ADAMTSL3: variants seen among roughly 807,000 people sequenced by gnomAD.
The protein encoded by ADAMTSL3 is ADAMTS like 3.
Under a neutral mutation model 201.7 loss-of-function variants are expected in ADAMTSL3, and 128 were observed. That is an observed-to-expected ratio of 0.63 (90% CI 0.55 to 0.73). ADAMTSL3 has a LOEUF of 0.73. ADAMTSL3 is among the 30% of genes least tolerant of loss of function. The pLI is 0.00. For missense variants in ADAMTSL3, 1,990 were observed against 2,119.6 expected (o/e 0.94, Z 1.20); for synonymous variants, 738 against 748.4 (o/e 0.99, Z 0.23).
intron 4 of ADAMTSL3, among the ~76,000 whole-genome samples, chr15:83,778,270 T>C (rs1449289459): frequency 6.6e-6 from 1 of 151,982 alleles, no homozygotes; most frequent in East Asian, 1.9e-4. Context: ...ATTCAGGAAA[T>C]GCAGAGAACC....
chr15:84,009,862 T>A (rs1019738595), intron 23 of ADAMTSL3, among the ~76,000 whole-genome samples: 1 of 152,252 alleles, frequency 6.6e-6, no homozygotes, highest in Non-Finnish European at 1.5e-5. Flanking sequence ...TTAGCCTGGC[T>A]GAAGGCCTCT....
intron 14 of ADAMTSL3, 97 bp downstream of exon 14, chr15:83,898,102 T>C (rs2065652941): frequency 1.4e-6 from 2 of 1,401,324 alleles, no homozygotes; most frequent in Non-Finnish European, 1.9e-6. Context: ...TACTTTCTTA[T>C]AAAAATTGTT....
intron 6 of ADAMTSL3, chr15:83,824,997 A>G (rs1418785363): frequency 1.3e-5 from 2 of 152,232 alleles, no homozygotes; most frequent in African/African-American, 2.4e-5. Context: ...AAGTGAGCAC[A>G]ATAGCTCATT....
chr15:83,829,312 G>A (rs143248662), intron 6 of ADAMTSL3, among the ~76,000 whole-genome samples: 4 of 152,044 alleles, frequency 2.6e-5, no homozygotes, highest in South Asian at 4.2e-4. Context: ...GTTTATTTGC[G>A]TAGAGCTGTT....
chr15:83,766,993 C>A lies in ADAMTSL3; in HGVS notation c.190-6530C>A, dbSNP rs113512206. Among the ~76,000 whole-genome samples, 1,165 of 152,226 alleles carry A rather than the reference C, an allele frequency of 7.7e-3. 17 individuals carry two copies. The highest frequency in any genetic ancestry group is 0.027 in the African/African-American group (1,133 of 41,510). On this transcript the variant is annotated intron_variant, in intron 3 of 29. Transcript: ENST00000286744. ...CCTGTAATCCCAGCTACTTGAGAGGCTGAGGTGGGAGAATCGCTTGAACCG... is the reference window on the plus strand; with the variant it reads ...CCTGTAATCCCAGCTACTTGAGAGGATGAGGTGGGAGAATCGCTTGAACCG...
intron 2 of ADAMTSL3, among the ~76,000 whole-genome samples, chr15:83,679,281 G>A (rs146657101): frequency 1.8e-4 from 27 of 152,056 alleles, no homozygotes; most frequent in African/African-American, 6.3e-4. Flanking sequence ...TTTTAAGATG[G>A]CTGCTTTAAC....
At chr15:83,853,097 C>T (rs1793227897) in intron 7 of ADAMTSL3, among the ~76,000 whole-genome samples, 1 of 152,116 alleles carries the variant, frequency 6.6e-6, no homozygotes, top group South Asian at 2.1e-4. Flanking sequence ...TCAGGTGATC[C>T]TCCCGCCTTA....
intron 4 of ADAMTSL3, among the ~76,000 whole-genome samples, chr15:83,795,434 C>G (rs919224815): frequency 3.9e-5 from 6 of 152,134 alleles, no homozygotes; most frequent in Non-Finnish European, 7.3e-5. Context: ...CTCAAAAACT[C>G]AGGCTGTTGA....
chr15:83,785,549 C>G (rs2063247817), intron 4 of ADAMTSL3, among the ~76,000 whole-genome samples: 1 of 151,854 alleles, frequency 6.6e-6, no homozygotes, highest in South Asian at 2.1e-4. Context: ...TTATTTTTTC[C>G]CTTAAGTTCA....
At chr15:83,699,482 G>A (rs763058756) in intron 2 of ADAMTSL3, among the ~76,000 whole-genome samples, 1 of 152,180 alleles carries the variant, frequency 6.6e-6, no homozygotes, top group Non-Finnish European at 1.5e-5. Flanking sequence ...CCCAGTCCAA[G>A]GAACCATCCC....
intron 7 of ADAMTSL3, among the ~76,000 whole-genome samples, chr15:83,846,148 T>C (rs2141720900): frequency 6.6e-6 from 1 of 152,336 alleles, no homozygotes; most frequent in East Asian, 1.9e-4. Flanking sequence ...CTGAGAGCAC[T>C]GGGATTATTA....
intron 12 of ADAMTSL3, 87 bp from the exon 13 acceptor site, chr15:83,892,597 C>A: frequency 7.5e-7 from 1 of 1,325,974 alleles, no homozygotes; most frequent in Non-Finnish European, 1.0e-6. Flanking sequence ...ACAATTGATA[C>A]CTTAAGGCCA....
At chr15:83,728,359 GTTA>G (rs2062212981) in intron 3 of ADAMTSL3, among the ~76,000 whole-genome samples, 4 of 151,376 alleles carry the variant, frequency 2.6e-5, no homozygotes, top group African/African-American at 9.7e-5. Flanking sequence ...TACATTCAAT[GTTA>G]TTATTTGTAA....
chr15:83,892,651 TA>T (rs1231103209), intron 12 of ADAMTSL3, 32 bp from the exon 13 acceptor site: 1 of 1,561,360 alleles, frequency 6.4e-7, no homozygotes, highest in East Asian at 2.4e-5. Context: ...AAACAACAAA[TA>T]AATAATATAA....
chr15:83,677,159 T>G (rs1193932948), intron 2 of ADAMTSL3, among the ~76,000 whole-genome samples: 2 of 152,232 alleles, frequency 1.3e-5, no homozygotes, highest in Non-Finnish European at 2.9e-5. Flanking sequence ...TTTAATCCTT[T>G]TAAATTCACT....
chr15:83,725,529 G>T (rs2062160970), intron 3 of ADAMTSL3, among the ~76,000 whole-genome samples: 2 of 152,064 alleles, frequency 1.3e-5, no homozygotes, highest in African/African-American at 4.8e-5. Flanking sequence ...CACAGTTTGA[G>T]GTCTTAGACT....
At chr15:84,018,813 G>T (rs73445106) in intron 25 of ADAMTSL3, among the ~76,000 whole-genome samples, 2 of 151,992 alleles carry the variant, frequency 1.3e-5, no homozygotes, top group African/African-American at 4.8e-5. Flanking sequence ...AGTCTTATAT[G>T]GTAGTGATAT....
intron 4 of ADAMTSL3, among the ~76,000 whole-genome samples, chr15:83,790,964 C>T (rs764304685): frequency 4.6e-5 from 7 of 152,012 alleles, no homozygotes; most frequent in Admixed American, 2.6e-4. Context: ...AGGACTTGTA[C>T]GCCTAATACT....
At chr15:83,796,492 C>T (rs1424184309) in intron 4 of ADAMTSL3, among the ~76,000 whole-genome samples, 1 of 152,208 alleles carries the variant, frequency 6.6e-6, no homozygotes, top group South Asian at 2.1e-4. Flanking sequence ...GATTTAGATG[C>T]TTACCTAAAT....
Sources: allele counts gnomAD v4.1 joint callset (sites outside exome capture counted in the v4.1 genomes callset), GRCh38; gene constraint gnomAD v4.1.1; transcripts MANE v1.5; gene names NCBI Gene and HGNC (gene_info 2026-07-23, HGNC 2026-07-21).